Variants in DIP2A observed in about 807,000 individuals in gnomAD.
DIP2A encodes disco-interacting protein 2 homolog A.
A neutral mutation model predicts 177.4 loss-of-function variants in DIP2A; 85 were observed. That is an observed-to-expected ratio of 0.48 (90% CI 0.40 to 0.57). DIP2A has a LOEUF of 0.57. DIP2A is among the 20% of genes least tolerant of loss of function. DIP2A has a pLI of 0.00. For synonymous variants in DIP2A, 886 were observed against 881.8 expected (o/e 1.00, Z -0.08); for missense variants, 1,791 against 2,100.2 (o/e 0.85, Z 2.88).
rs1313589154 is a variant in DIP2A, at chr21:46,556,416, G to C, written c.3498+325G>C. ...AAAATTTTTCAGGCGGGGCGTGGTGGCTCACGCCTGTAATCCCAGCACTTC... is the reference window on the plus strand; with the variant it reads ...AAAATTTTTCAGGCGGGGCGTGGTGCCTCACGCCTGTAATCCCAGCACTTC... On this transcript the variant is annotated intron_variant, in intron 29 of 37. Transcript: ENST00000417564. This position sits in a 1 kb window ranked among gnomAD's most constrained non-coding sequence, Gnocchi z 4.5. The C allele has an allele frequency of 9.0e-6, 12 of 1,328,116 alleles. No homozygotes were observed. In the African/African-American group the frequency reaches 1.5e-4, roughly 17 times the overall value. 82.3% of individuals were successfully genotyped at this position (1,328,116 alleles called of 1,614,324 possible).
chr21:46,487,401 A>C (rs1021772016), intron 2 of DIP2A, among the ~76,000 whole-genome samples: 3 of 152,232 alleles, frequency 2.0e-5, no homozygotes, highest in African/African-American at 4.8e-5. Flanking sequence ...CAAACTAAAC[A>C]ACCAGATACT....
Position 46,537,759 on chromosome 21 carries a change from G to C in DIP2A, c.1801+220G>C, listed in dbSNP as rs2059633188. On this transcript the variant is annotated intron_variant, in intron 15 of 37. Coordinates refer to ENST00000417564, the MANE Select transcript of DIP2A (RefSeq NM_015151.4). This position sits in a 1 kb window ranked among gnomAD's most constrained non-coding sequence, Gnocchi z 4.1. ...GTTTCGTGGGTGATGTGGTAAGTAG[G>C]GCCACTTGGTGGGGTCTGGGCCTTA... is the stretch of plus-strand genomic sequence containing the variant. Among the ~76,000 whole-genome samples the C allele has an allele frequency of 6.6e-6, 1 of 152,170 alleles. No homozygotes were observed. The highest frequency in any genetic ancestry group is 1.5e-5 in the Non-Finnish European group (1 of 68,040).
At position 46,568,783 on chromosome 21, in the gene DIP2A, A is replaced by C. The variant is rs1392528684; in HGVS notation, c.*1161A>C. On this transcript the variant is annotated 3_prime_UTR_variant, in exon 38 of 38. Transcript: ENST00000417564. ...TCAGCAGATTTGGAAGCATTGTGGT[A>C]AAGTCTAAGGTTTTCATATCCATAG... The C allele has an allele frequency of 6.6e-6, 1 of 152,202 alleles. No individual in the cohort carries two copies. Among genetic ancestry groups the C allele is most frequent in the Non-Finnish European group, 1.5e-5 (1 of 68,038 alleles). 9.4% of individuals were successfully genotyped at this position (152,202 alleles called of 1,614,324 possible).
rs561030839 is a variant in DIP2A, at chr21:46,479,159, G to A, written c.92-5598G>A. ...GGCACCTCGTCCGTGATGAGCTCCT[G>A]CCTCTCTGAGTCTGTCCAAGTTCCA... is the stretch of plus-strand genomic sequence containing the variant. On this transcript the variant is annotated intron_variant, in intron 1 of 37. Transcript: ENST00000417564. 9.8e-5 allele frequency among the ~76,000 whole-genome samples: 15 copies of A among 152,344 alleles called. No individual in the cohort carries two copies. In the East Asian group the frequency reaches 2.9e-3, roughly 29 times the overall value.
At chr21:46,540,110 C>G (rs1053539337) in intron 17 of DIP2A, 119 bp downstream of exon 17, 2 of 801,920 alleles carry the variant, frequency 2.5e-6, no homozygotes, top group Non-Finnish European at 4.0e-6. Flanking sequence ...GCAGTAGTAC[C>G]TTGGTGCCTG....
At chr21:46,553,690 T>C (rs1196034969) in intron 25 of DIP2A, 1 of 155,746 alleles carries the variant, frequency 6.4e-6, no homozygotes, top group Non-Finnish European at 1.4e-5. Context: ...GTATTTATAA[T>C]GGTGTCGTAT....
At chr21:46,485,533 A>G (rs1349560771) in intron 2 of DIP2A, among the ~76,000 whole-genome samples, 2 of 152,152 alleles carry the variant, frequency 1.3e-5, no homozygotes, top group Non-Finnish European at 2.9e-5. Context: ...TCGGTTCCAG[A>G]TGTATTAGGC....
At position 46,529,194 on chromosome 21, in the gene DIP2A, A is replaced by T. The variant is rs2059250077; in HGVS notation, c.1194+11A>T. Reference sequence around the variant, plus strand: ...AAACCTGGAGACAGAGTAAGTAACTAGAATGTCACTTTGTTGGAAGGAGCA... The same window carrying T: ...AAACCTGGAGACAGAGTAAGTAACTTGAATGTCACTTTGTTGGAAGGAGCA... On this transcript the variant is annotated intron_variant, in intron 9 of 37. Coordinates refer to ENST00000417564, the MANE Select transcript of DIP2A (RefSeq NM_015151.4). 6.9e-7 allele frequency: 1 copy of T among 1,459,312 alleles called. No homozygotes were observed. Among genetic ancestry groups the T allele is most frequent in the Non-Finnish European group, 9.3e-7 (1 of 1,075,648 alleles). 90.4% of individuals were successfully genotyped at this position (1,459,312 alleles called of 1,614,324 possible). A position where few individuals can be genotyped will look rare whatever the true frequency, so the allele number is the denominator to read the frequency against.
At chr21:46,529,068 C>T (rs2148737320) in intron 8 of DIP2A, 24 bp from the exon 9 acceptor site, 2 of 1,377,840 alleles carry the variant, frequency 1.5e-6, no homozygotes, top group South Asian at 2.8e-5. Flanking sequence ...TTTTACATTG[C>T]TTAGTATTTT....
At chr21:46,532,807 A>G (rs1017534475) in intron 10 of DIP2A, among the ~76,000 whole-genome samples, 1 of 152,186 alleles carries the variant, frequency 6.6e-6, no homozygotes, top group African/African-American at 2.4e-5. Flanking sequence ...CATTTTTGAT[A>G]TAACTATCAA....
At chr21:46,575,720 CA>C in the DIP2A span, among the ~76,000 whole-genome samples, 1 of 151,972 alleles carries the variant, frequency 6.6e-6, no homozygotes. Flanking sequence ...ATGAAAAGTA[CA>C]AAACATTGAA....
intron 23 of DIP2A, among the ~76,000 whole-genome samples, chr21:46,551,015 C>T (rs757241863): frequency 3.6e-4 from 55 of 152,220 alleles, no homozygotes; most frequent in Non-Finnish European, 3.5e-4. Flanking sequence ...TCAAGGATGG[C>T]ATCTTAGCTT....
the DIP2A span, among the ~76,000 whole-genome samples, chr21:46,581,639 CT>C: frequency 3.9e-5 from 6 of 152,142 alleles, no homozygotes; most frequent in African/African-American, 1.2e-4. Flanking sequence ...TTTGTGGGGT[CT>C]TTTTTTGTTG....
chr21:46,570,480 T>C (rs1162270562), downstream of DIP2A, among the ~76,000 whole-genome samples: 1 of 152,242 alleles, frequency 6.6e-6, no homozygotes, highest in African/African-American at 2.4e-5. Context: ...CTTACTGACA[T>C]GTAGGAGTCT....
Position 46,458,914 on chromosome 21 carries a change from G to A in DIP2A, c.-218G>A, listed in dbSNP as rs549043610. On this transcript the variant is annotated 5_prime_UTR_variant, in exon 1 of 38. Transcript: ENST00000417564. ...CCGTGTAGGGCCGGCCGGGCGCTCAGGAGCGCGCGGGGCAGCGGCGGCGCG... is the reference window on the plus strand; with the variant it reads ...CCGTGTAGGGCCGGCCGGGCGCTCAAGAGCGCGCGGGGCAGCGGCGGCGCG... The A allele has an allele frequency of 3.8e-5, 10 of 260,894 alleles. No homozygotes were observed. In the South Asian group the frequency reaches 1.5e-3, roughly 39 times the overall value. The allele number at this position is 260,894 out of a possible 1,614,324, so 16.2% of individuals were successfully genotyped here.
At chr21:46,492,132 C>T (rs1307739587) in intron 3 of DIP2A, among the ~76,000 whole-genome samples, 1 of 151,912 alleles carries the variant, frequency 6.6e-6, no homozygotes, top group Non-Finnish European at 1.5e-5. Context: ...ATTTTAGTGC[C>T]CTTAAGTTTG....
rs766264704 is a variant in DIP2A at position 46,549,761 on chromosome 21, C to T, written c.2523-10C>T. ...TTGCCGTGTGGCCATTTCCATGTCT[C>T]ATCCCGCAGGATCGCTGTGTTCTCT... On this transcript the variant is annotated splice_polypyrimidine_tract_variant and intron_variant, in intron 21 of 37. Transcript: ENST00000417564. 1.6e-5 allele frequency: 26 copies of T among 1,613,334 alleles called. No individual in the cohort carries two copies. The highest frequency in any genetic ancestry group is 2.1e-5 in the Non-Finnish European group (25 of 1,179,914).
intron 18 of DIP2A, among the ~76,000 whole-genome samples, chr21:46,543,758 C>G (rs972280053): frequency 6.6e-6 from 1 of 152,226 alleles, no homozygotes; most frequent in African/African-American, 2.4e-5. Context: ...CCCATCTCTG[C>G]ATGTGCTTGT....
chr21:46,477,571 T>TGTGTGTGTGTGTGTGTGTGTGTG (rs762054063), intron 1 of DIP2A, among the ~76,000 whole-genome samples: 18 of 66,558 alleles, frequency 2.7e-4, no homozygotes, highest in East Asian at 7.7e-4. Flanking sequence ...GTGTGTGTAT[T>TGTGTGTGTGTGTGTGTGTGTGTG]TCTTTTTTTT....
Sources: gnomAD v4.1 joint callset for allele counts (sites outside exome capture counted in the v4.1 genomes callset) on GRCh38, gnomAD v4.1.1 for gene constraint, Gnocchi (gnomAD v3.1) non-coding constraint, MANE v1.5 for transcripts, NCBI Gene and HGNC (gene_info 2026-07-23, HGNC 2026-07-21) for gene names.